The following CPD variants were observed in gnomAD, a reference collection of about 807,000 sequenced individuals.
CPD encodes carboxypeptidase D.
Under a neutral mutation model 138.3 loss-of-function variants are expected in CPD, and 69 were observed. The ratio of observed to expected loss-of-function variants is 0.50; its 90% CI spans 0.41 to 0.61. The LOEUF is 0.61. Ranked by LOEUF, CPD falls within the 20% of genes least tolerant of loss-of-function variation. The probability of loss-of-function intolerance (pLI) is 0.00; values close to 1 mark genes in which losing one functional copy is unlikely to be tolerated. For missense variants in CPD, 1,432 were observed against 1,733.3 expected (o/e 0.83, Z 3.09); for synonymous variants, 651 against 642.1 (o/e 1.01, Z -0.21).
chr17:30,448,717 AT>A (rs548303103), intron 12 of CPD, among the ~76,000 whole-genome samples: 11 of 152,152 alleles, frequency 7.2e-5, no homozygotes, highest in Non-Finnish European at 1.0e-4. Context: ...TTGAATTAGT[AT>A]TTTTTTCCCC....
chr17:30,416,419 T>C (rs566108551), intron 2 of CPD, among the ~76,000 whole-genome samples: 221 of 152,358 alleles, frequency 1.5e-3, no homozygotes, highest in African/African-American at 5.1e-3. Context: ...AAATGGTTAA[T>C]ATGGTGAAAT....
chr17:30,379,197 G>A lies in CPD; in HGVS notation c.217G>A (p.Ala73Thr), dbSNP rs750520251. 3 of 1,530,220 alleles carry A rather than the reference G, an allele frequency of 2.0e-6. No homozygotes were observed. The South Asian group carries it at 3.6e-5, about 18-fold the overall frequency. The allele number at this position is 1,530,220 out of a possible 1,614,324, so 94.8% of individuals were successfully genotyped here. The change falls in exon 1 of 21, where the codon GCC becomes ACC. Residue 73 changes from alanine (A) to threonine (T), a missense_variant. By Grantham distance (58) the Ala-to-Thr change is moderately conservative (BLOSUM62 0). This residue lies in a region of CPD where 484 missense variants were observed against 477.2 expected (regional missense o/e 1.01). Transcript: ENST00000225719. This position sits in a 1 kb window ranked among gnomAD's most constrained non-coding sequence, Gnocchi z 7.0. ...GGAGTCGGCGCTGAGGGAGGCGGCG[G>A]CCGCGGGCCTCCCCGGCCTGGCCCG... The part of the protein sequence containing the change: ...ELESALREAA[A>T]AGLPGLARLF...
intron 7 of CPD, among the ~76,000 whole-genome samples, chr17:30,431,488 C>T (rs993993380): frequency 1.3e-5 from 2 of 152,012 alleles, no homozygotes; most frequent in Non-Finnish European, 2.9e-5. Flanking sequence ...TCTTTTGTTG[C>T]TAGTCCTTTC....
intron 2 of CPD, 87 bp from the exon 3 acceptor site, chr17:30,420,754 C>T (rs1014393391): frequency 1.5e-5 from 18 of 1,240,884 alleles, no homozygotes; most frequent in Non-Finnish European, 1.9e-5. Flanking sequence ...TTTATACATC[C>T]AGAGATGGCT....
chr17:30,399,438 AC>A (rs2143344634), intron 2 of CPD, among the ~76,000 whole-genome samples: 1 of 152,286 alleles, frequency 6.6e-6, no homozygotes, highest in East Asian at 1.9e-4. Flanking sequence ...TTGTGGATTT[AC>A]CCATTTTTCC....
intron 2 of CPD, among the ~76,000 whole-genome samples, chr17:30,397,880 AT>A (rs1696685491): frequency 1.3e-5 from 2 of 151,314 alleles, no homozygotes; most frequent in African/African-American, 4.8e-5. Flanking sequence ...TAAAAGTTTT[AT>A]TTAAAAAAAA....
chr17:30,411,826 TTTG>T (rs1432851366), intron 2 of CPD, among the ~76,000 whole-genome samples: 5 of 152,196 alleles, frequency 3.3e-5, no homozygotes. Context: ...CTCGGAGAAG[TTTG>T]TTATTACCAA....
intron 9 of CPD, 61 bp from the exon 10 acceptor site, chr17:30,442,247 T>C (rs1035943076): frequency 2.0e-6 from 3 of 1,517,772 alleles, no homozygotes; most frequent in African/African-American, 2.8e-5. Flanking sequence ...TTGCTTACCT[T>C]TTGGGATCTG....
chr17:30,418,727 C>T (rs935627049), intron 2 of CPD, among the ~76,000 whole-genome samples: 5 of 152,086 alleles, frequency 3.3e-5, no homozygotes, highest in Non-Finnish European at 4.4e-5. Flanking sequence ...GGAAACAAAA[C>T]GCTTGGCGTT....
chr17:30,429,807 G>A (rs543604857), intron 7 of CPD, among the ~76,000 whole-genome samples: 3 of 152,206 alleles, frequency 2.0e-5, no homozygotes, highest in Admixed American at 6.5e-5. Context: ...AAATATGCGG[G>A]GGAAACTAAT....
intron 2 of CPD, among the ~76,000 whole-genome samples, chr17:30,405,657 C>T (rs1243095578): frequency 6.6e-6 from 1 of 151,922 alleles, no homozygotes; most frequent in Non-Finnish European, 1.5e-5. Flanking sequence ...ATTTTTATAC[C>T]TGAAGTGAAC....
chr17:30,421,715 T>G lies in CPD; in HGVS notation c.1189T>G (p.Leu397Val), dbSNP rs1359726101. Residue 397 changes from leucine to valine, a missense_variant, in exon 4 of 21, where the codon TTA (leucine) becomes GTA (valine). By Grantham distance (32) the Leu-to-Val change is conservative. Around this residue, in one of 6 missense-constraint regions of CPD, gnomAD observed 160 missense variants for 197.9 expected, o/e 0.81. Coordinates refer to ENST00000225719, the MANE Select transcript of CPD (RefSeq NM_001304.5). ...FVKDSITGSGLENATISVAGI... is the reference protein window; with the variant it reads ...FVKDSITGSGVENATISVAGI... ...TAAAGATTCCATAACAGGATCTGGGTTAGAGAATGCAACCATCTCAGTGGC... is the reference window on the plus strand; with the variant it reads ...TAAAGATTCCATAACAGGATCTGGGGTAGAGAATGCAACCATCTCAGTGGC... The G allele has an allele frequency of 6.2e-7, 1 of 1,613,746 alleles. No homozygotes were observed. Among genetic ancestry groups the G allele is most frequent in the Admixed American group, 1.7e-5 (1 of 60,006 alleles).
intron 2 of CPD, 147 bp from the exon 3 acceptor site, chr17:30,420,694 G>T: frequency 1.6e-6 from 1 of 621,206 alleles, no homozygotes; most frequent in Non-Finnish European, 2.7e-6. Flanking sequence ...CTCCACTATA[G>T]TTCAGATGCC....
intron 18 of CPD, 147 bp from the exon 19 acceptor site, chr17:30,461,730 A>G: frequency 1.7e-6 from 1 of 584,240 alleles, no homozygotes; most frequent in Non-Finnish European, 3.0e-6. Flanking sequence ...GAAGAGAAGA[A>G]GCAGGCCATA....
intron 7 of CPD, among the ~76,000 whole-genome samples, chr17:30,428,266 C>T (rs746418134): frequency 3.9e-5 from 6 of 152,054 alleles, no homozygotes; most frequent in East Asian, 1.9e-4. Context: ...ACTAAGGTTG[C>T]GAATAAGAGT....
rs147162450 is a variant in CPD at position 30,419,349 on chromosome 17, T to C, written c.995-1492T>C. Among the ~76,000 whole-genome samples the C allele has an allele frequency of 1.4e-3, 212 of 152,304 alleles. 1 individual carries two copies. Among genetic ancestry groups the C allele is most frequent in the African/African-American group, 4.9e-3 (202 of 41,550 alleles). On this transcript the variant is annotated intron_variant, in intron 2 of 20. Coordinates refer to ENST00000225719, the MANE Select transcript of CPD (RefSeq NM_001304.5). ...GTAATCAAATCAGCATGTTTTTGTT[T>C]TTGTTTTGGAGACAGAGTCGCACTC...
intron 2 of CPD, among the ~76,000 whole-genome samples, chr17:30,387,252 G>T (rs1056619979): frequency 1.3e-4 from 20 of 152,186 alleles, no homozygotes; most frequent in African/African-American, 3.6e-4. Flanking sequence ...CAAGTAGCTG[G>T]GATTACAGGT....
intron 5 of CPD, 86 bp from the exon 6 acceptor site, chr17:30,423,420 A>G (rs988973847): frequency 8.9e-6 from 9 of 1,016,324 alleles, no homozygotes; most frequent in Non-Finnish European, 1.2e-5. Context: ...TTTTTAGTAT[A>G]GGATTTATAT....
At chr17:30,431,358 T>C (rs1912558967) in intron 7 of CPD, among the ~76,000 whole-genome samples, 1 of 152,238 alleles carries the variant, frequency 6.6e-6, no homozygotes, top group Non-Finnish European at 1.5e-5. Context: ...TACTGGACAC[T>C]GGACCCTTAT....
Sources: allele counts gnomAD v4.1 joint callset (sites outside exome capture counted in the v4.1 genomes callset), GRCh38; gene constraint gnomAD v4.1.1; regional missense constraint gnomAD v4.1.1; non-coding constraint Gnocchi (gnomAD v3.1); transcripts MANE v1.5; gene names NCBI Gene and HGNC (gene_info 2026-07-23, HGNC 2026-07-21).